Variants in AOAH observed in about 807,000 individuals in gnomAD.
AOAH encodes the protein acyloxyacyl hydrolase.
In AOAH, 64 loss-of-function variants were observed where a neutral mutation model predicts 92.2. That is an observed-to-expected ratio of 0.69 (90% confidence interval 0.57 to 0.86). The LOEUF is 0.86. Among genes scored for constraint, AOAH ranks in the 40% least tolerant of loss-of-function variants. The pLI, the probability that AOAH is intolerant of heterozygous loss-of-function variation, is 0.00. For synonymous variants in AOAH, 263 were observed against 254.5 expected (o/e 1.03, Z -0.32); for missense variants, 656 against 694.6 (o/e 0.94, Z 0.62).
chr7:36,512,993 C>T lies in AOAH; in HGVS notation c.*259G>A, dbSNP rs1203905958. 3 of 1,467,752 alleles carry T rather than the reference C, an allele frequency of 2.0e-6. No homozygotes were observed. The highest frequency in any genetic ancestry group is 1.8e-6 in the Non-Finnish European group (2 of 1,089,884). 90.9% of individuals were successfully genotyped at this position (1,467,752 alleles called of 1,614,324 possible). A position where few individuals can be genotyped will look rare whatever the true frequency, so the allele number is the denominator to read the frequency against. On this transcript the variant is annotated 3_prime_UTR_variant, in exon 21 of 21. Transcript: ENST00000617537. ...ATTAGCTGTAAAGGGCACAGATACTCTCTTGTTTGGAATGGCACCCAAAGC... is the reference window on the plus strand; with the variant it reads ...ATTAGCTGTAAAGGGCACAGATACTTTCTTGTTTGGAATGGCACCCAAAGC...
At chr7:36,578,374 G>A (rs77573963) in intron 12 of AOAH, among the ~76,000 whole-genome samples, 13,947 of 152,168 alleles carry the variant, frequency 0.092, 741 homozygotes, top group Admixed American at 0.14. Context: ...TAAATTCTAT[G>A]AAGAAAGGAA....
chr7:36,541,239 C>T (rs773261588), intron 15 of AOAH, among the ~76,000 whole-genome samples: 7 of 152,224 alleles, frequency 4.6e-5, no homozygotes, highest in South Asian at 4.1e-4. Context: ...AATTCCAGCC[C>T]GCATTATTGT....
intron 15 of AOAH, 80 bp from the exon 16 acceptor site, chr7:36,540,571 A>G (rs564826539): frequency 1.6e-6 from 2 of 1,253,492 alleles, no homozygotes; most frequent in African/African-American, 1.5e-5. Flanking sequence ...TACAAGATAC[A>G]TCACACACAC....
chr7:36,597,299 C>T (rs1034524464), intron 11 of AOAH, among the ~76,000 whole-genome samples: 2 of 152,170 alleles, frequency 1.3e-5, no homozygotes, highest in Non-Finnish European at 2.9e-5. Flanking sequence ...GCTCGAGACT[C>T]CACCATTACT....
intron 11 of AOAH, among the ~76,000 whole-genome samples, chr7:36,609,221 T>C (rs1020087673): frequency 6.6e-6 from 1 of 152,224 alleles, no homozygotes; most frequent in Non-Finnish European, 1.5e-5. Flanking sequence ...TTCCCCACTG[T>C]ACTTTTCTAG....
intron 1 of AOAH, among the ~76,000 whole-genome samples, chr7:36,690,345 C>T (rs1797318721): frequency 6.6e-6 from 1 of 152,148 alleles, no homozygotes; most frequent in South Asian, 2.1e-4. Flanking sequence ...ATCATGAACA[C>T]CCAGGTTGGG....
intron 5 of AOAH, among the ~76,000 whole-genome samples, chr7:36,632,389 A>C (rs1793183523): frequency 6.6e-6 from 1 of 152,152 alleles, no homozygotes; most frequent in African/African-American, 2.4e-5. Context: ...ACCTTGTTCC[A>C]GGAGGGTCCG....
chr7:36,576,627 A>G lies in AOAH; in HGVS notation c.968T>C (p.Leu323Ser), dbSNP rs1332327386. The G allele has an allele frequency of 1.3e-6, 2 of 1,577,206 alleles. No homozygotes were observed. The highest frequency in any genetic ancestry group is 1.2e-5 in the South Asian group (1 of 86,868). Reference protein sequence around the residue: ...GIKEKSIYLRLWKRNHCNHRD... With the variant: ...GIKEKSIYLRSWKRNHCNHRD... ...GTGATTACAGTGGTTTCTTTTCCATAAGCGAAGGTAAATAGATTTTTCTTT... is the reference window on the plus strand; with the variant it reads ...GTGATTACAGTGGTTTCTTTTCCATGAGCGAAGGTAAATAGATTTTTCTTT... Residue 323 changes from leucine to serine, a missense_variant, in exon 13 of 21, where the codon TTA becomes TCA. Leu to Ser is a moderately radical substitution (Grantham distance 145). Coordinates refer to ENST00000617537, the MANE Select transcript of AOAH (RefSeq NM_001637.4).
At chr7:36,720,799 C>G (rs201220222) in intron 1 of AOAH, among the ~76,000 whole-genome samples, 1 of 152,050 alleles carries the variant, frequency 6.6e-6, no homozygotes, top group Non-Finnish European at 1.5e-5. Context: ...TGTATCCCTG[C>G]TCTCGCATAT....
intron 16 of AOAH, among the ~76,000 whole-genome samples, chr7:36,539,751 G>C (rs980761100): frequency 6.6e-6 from 1 of 152,166 alleles, no homozygotes; most frequent in East Asian, 1.9e-4. Flanking sequence ...ATCTCACAGG[G>C]TTAAGGATCA....
intron 19 of AOAH, among the ~76,000 whole-genome samples, chr7:36,527,607 T>C (rs1784470917): frequency 1.3e-5 from 2 of 152,202 alleles, no homozygotes; most frequent in Non-Finnish European, 2.9e-5. Context: ...GGACGGCCAC[T>C]AACAGTTACT....
chr7:36,544,581 C>T (rs1785671970), intron 15 of AOAH, among the ~76,000 whole-genome samples: 1 of 152,120 alleles, frequency 6.6e-6, no homozygotes, highest in South Asian at 2.1e-4. Context: ...ATGTGAAAAC[C>T]AGCCTGTGGC....
intron 11 of AOAH, among the ~76,000 whole-genome samples, chr7:36,596,235 A>C (rs189566921): frequency 1.2e-3 from 181 of 146,398 alleles, no homozygotes; most frequent in Admixed American, 1.8e-3. Flanking sequence ...AGTTTGTGTC[A>C]TATATAAAAC....
intron 11 of AOAH, among the ~76,000 whole-genome samples, chr7:36,613,393 CAG>C (rs1791617938): frequency 6.6e-6 from 1 of 152,226 alleles, no homozygotes; most frequent in African/African-American, 2.4e-5. Flanking sequence ...GCAGGAAACA[CAG>C]AGAGTCTATT....
intron 16 of AOAH, among the ~76,000 whole-genome samples, chr7:36,536,164 A>G (rs1037786266): frequency 3.3e-5 from 5 of 152,010 alleles, no homozygotes; most frequent in Non-Finnish European, 2.9e-5. Context: ...GTGGCATCTA[A>G]CCCTGCCTTC....
intron 1 of AOAH, among the ~76,000 whole-genome samples, chr7:36,713,435 C>A (rs1030942936): frequency 3.9e-5 from 6 of 152,238 alleles, no homozygotes; most frequent in African/African-American, 1.4e-4. Context: ...AGAAAGTTAA[C>A]AAGGATATCC....
chr7:36,635,849 A>G (rs1793485801), intron 5 of AOAH, among the ~76,000 whole-genome samples: 1 of 152,192 alleles, frequency 6.6e-6, no homozygotes, highest in Admixed American at 6.5e-5. Context: ...AATGGGGCTG[A>G]TGACAAAAAT....
intron 1 of AOAH, among the ~76,000 whole-genome samples, chr7:36,699,630 A>ATTGTTTTTTTTTTTTTTTTTTTTTTTTTT (rs1562709367): frequency 7.2e-6 from 1 of 139,836 alleles, no homozygotes; most frequent in Non-Finnish European, 1.5e-5. Flanking sequence ...TTTAAATTGG[A>ATTGTTTTTTTTTTTTTTTTTTTTTTTTTT]TTATTTGTTT....
intron 6 of AOAH, among the ~76,000 whole-genome samples, chr7:36,626,088 T>C (rs767993428): frequency 7.2e-5 from 11 of 152,164 alleles, no homozygotes; most frequent in Non-Finnish European, 1.3e-4. Flanking sequence ...ATGTATGTAT[T>C]TGGCCTCTTG....
Sources: gnomAD v4.1 joint callset for allele counts (sites outside exome capture counted in the v4.1 genomes callset) on GRCh38, gnomAD v4.1.1 for gene constraint, MANE v1.5 for transcripts, NCBI Gene and HGNC (gene_info 2026-07-23, HGNC 2026-07-21) for gene names.